The following LOXL2 variants were observed in gnomAD, a reference collection of about 807,000 sequenced individuals.
The protein encoded by LOXL2 is lysyl oxidase like 2.
Under a neutral mutation model 93.0 loss-of-function variants are expected in LOXL2, and 70 were observed. The ratio of observed to expected loss-of-function variants is 0.75; its 90% CI spans 0.62 to 0.92. LOXL2 has a LOEUF of 0.92. Ranked by LOEUF, LOXL2 falls within the 40% of genes least tolerant of loss-of-function variation. The probability of loss-of-function intolerance (pLI) is 0.00; values close to 1 mark genes in which losing one functional copy is unlikely to be tolerated. For missense variants in LOXL2, 973 were observed against 1,054.9 expected (o/e 0.92, Z 1.08); for synonymous variants, 438 against 413.2 (o/e 1.06, Z -0.73).
At chr8:23,335,512 T>A (rs1048156804) in intron 4 of LOXL2, among the ~76,000 whole-genome samples, 5 of 152,130 alleles carry the variant, frequency 3.3e-5, no homozygotes, top group African/African-American at 1.2e-4. Context: ...AGGGAGGGAT[T>A]CCATGGTTGG....
chr8:23,343,551 A>G (rs1009153573), intron 3 of LOXL2, among the ~76,000 whole-genome samples: 2 of 152,242 alleles, frequency 1.3e-5, no homozygotes, highest in African/African-American at 4.8e-5. Flanking sequence ...GAGTTTGAAC[A>G]GAACCATTCT....
At chr8:23,396,241 C>T (rs7016470) in intron 1 of LOXL2, among the ~76,000 whole-genome samples, 1 of 151,944 alleles carries the variant, frequency 6.6e-6, no homozygotes, top group African/African-American at 2.4e-5. Context: ...TCGCTTGAAC[C>T]CAGGAGGTGG....
chr8:23,388,370 G>A (rs1235683548), intron 1 of LOXL2, among the ~76,000 whole-genome samples: 1 of 152,082 alleles, frequency 6.6e-6, no homozygotes, highest in Non-Finnish European at 1.5e-5. Flanking sequence ...TTCAGCTCAG[G>A]GGTTTGAGAC....
chr8:23,362,579 A>G (rs1444547193), intron 2 of LOXL2, among the ~76,000 whole-genome samples: 2 of 152,224 alleles, frequency 1.3e-5, no homozygotes, highest in East Asian at 3.9e-4. Context: ...CTAAAAATCA[A>G]AACATTTAGC....
At chr8:23,394,467 A>G (rs1183201851) in intron 1 of LOXL2, among the ~76,000 whole-genome samples, 1 of 152,048 alleles carries the variant, frequency 6.6e-6, no homozygotes, top group Non-Finnish European at 1.5e-5. Flanking sequence ...CACTTCCCCA[A>G]AGAAGATATA....
At chr8:23,385,054 AC>A (rs1365060608) in intron 1 of LOXL2, among the ~76,000 whole-genome samples, 2 of 142,340 alleles carry the variant, frequency 1.4e-5, no homozygotes, top group Non-Finnish European at 3.1e-5. Flanking sequence ...GAGCAATTCC[AC>A]AGCAGTTTCC....
At chr8:23,372,795 G>C (rs1338292655) in intron 1 of LOXL2, among the ~76,000 whole-genome samples, 4 of 152,152 alleles carry the variant, frequency 2.6e-5, no homozygotes, top group Admixed American at 1.3e-4. Flanking sequence ...CATAATCAGA[G>C]TGGGAGATTT....
chr8:23,307,953 G>GGGAAAAAAAAAA (rs58347035), intron 10 of LOXL2, among the ~76,000 whole-genome samples: 7 of 83,556 alleles, frequency 8.4e-5, no homozygotes, highest in Admixed American at 2.0e-4. Flanking sequence ...GCTGCGATAT[G>GGGAAAAAAAAAA]AAAAAAAAAA....
chr8:23,333,360 C>T (rs1325590771), intron 5 of LOXL2, 41 bp downstream of exon 5: 1 of 1,584,562 alleles, frequency 6.3e-7, no homozygotes, highest in African/African-American at 1.3e-5. Flanking sequence ...CTCCCATCCC[C>T]TCCAGGTGCC....
chr8:23,309,370 C>T (rs1168206698), intron 10 of LOXL2, among the ~76,000 whole-genome samples: 21 of 152,168 alleles, frequency 1.4e-4, no homozygotes, highest in Admixed American at 1.4e-3. Context: ...CACTTGGAAA[C>T]CATGGGCTGA....
At chr8:23,316,847 A>G in intron 9 of LOXL2, 102 bp downstream of exon 9, 1 of 1,191,234 alleles carries the variant, frequency 8.4e-7, no homozygotes. Context: ...ACCTTCCTCT[A>G]TTGCTTGGCT....
chr8:23,373,062 GAAC>G (rs1035178569), intron 1 of LOXL2, among the ~76,000 whole-genome samples: 49 of 152,152 alleles, frequency 3.2e-4, no homozygotes, highest in African/African-American at 1.1e-3. Flanking sequence ...ATTAATAAAA[GAAC>G]AAGTAGAAAA....
intron 11 of LOXL2, 84 bp downstream of exon 11, chr8:23,303,198 G>A (rs577816368): frequency 8.2e-6 from 7 of 851,934 alleles, no homozygotes; most frequent in African/African-American, 1.7e-5. Flanking sequence ...TCAGTGCCAG[G>A]CCTGGGCTCC....
intron 1 of LOXL2, among the ~76,000 whole-genome samples, chr8:23,403,448 C>T (rs1274030717): frequency 6.6e-6 from 1 of 152,080 alleles, no homozygotes; most frequent in Non-Finnish European, 1.5e-5. Flanking sequence ...AGCTCCCGGG[C>T]GCAGCCCCCG....
intron 2 of LOXL2, among the ~76,000 whole-genome samples, chr8:23,367,341 G>A (rs866940348): frequency 9.2e-5 from 14 of 152,106 alleles, no homozygotes; most frequent in East Asian, 5.8e-4. Context: ...GAGCCACTGC[G>A]CCTGGCCAGC....
At chr8:23,373,238 T>C (rs1343204047) in intron 1 of LOXL2, among the ~76,000 whole-genome samples, 3 of 152,188 alleles carry the variant, frequency 2.0e-5, no homozygotes, top group Non-Finnish European at 2.9e-5. Flanking sequence ...TGGAGCTGAC[T>C]GCCTAGCTGG....
chr8:23,332,486 A>AC (rs1186472588), intron 5 of LOXL2, among the ~76,000 whole-genome samples: 3 of 30,282 alleles, frequency 9.9e-5, no homozygotes, highest in African/African-American at 4.3e-4. Flanking sequence ...ACACTCCCAT[A>AC]CCCCCCCACT....
rs779494470 is a variant in LOXL2 at position 23,322,253 on chromosome 8, G to T, written c.1179C>A (p.Ile393=). ...TGGACTTCTCATTGCCTGTGCACTG[G>T]ATCTCGTTGAGGTGGATGGGTCCGA... ...QGIGPIHLNE[I]QCTGNEKSII... Residue 393 remains isoleucine (I), a synonymous_variant, in exon 7 of 14, where the codon ATC becomes ATA. Transcript: ENST00000389131. 1.9e-6 allele frequency: 3 copies of T among 1,614,210 alleles called. No homozygotes were observed. The Admixed American group carries it at 5.0e-5, about 27-fold the overall frequency.
chr8:23,372,259 A>G (rs1385312602), intron 1 of LOXL2, among the ~76,000 whole-genome samples: 2 of 149,412 alleles, frequency 1.3e-5, no homozygotes, highest in Non-Finnish European at 3.0e-5. Flanking sequence ...TCTGTTGCCC[A>G]GGCTGGAGTG....
Sources: gnomAD v4.1 joint callset for allele counts (sites outside exome capture counted in the v4.1 genomes callset) on GRCh38, gnomAD v4.1.1 for gene constraint, MANE v1.5 for transcripts, NCBI Gene and HGNC (gene_info 2026-07-23, HGNC 2026-07-21) for gene names.